The following MED24 variants were observed in gnomAD, a reference collection of about 807,000 sequenced individuals.
MED24 encodes mediator complex subunit 24, also known as mediator of RNA polymerase II transcription subunit 24.
A neutral mutation model predicts 118.8 loss-of-function variants in MED24; 74 were observed. That is an observed-to-expected ratio of 0.62 (90% CI 0.52 to 0.76). MED24 has a LOEUF of 0.76. Among genes scored for constraint, MED24 ranks in the 30% least tolerant of loss-of-function variants. The probability of loss-of-function intolerance (pLI) is 0.00; values close to 1 mark genes in which losing one functional copy is unlikely to be tolerated. For synonymous variants in MED24, 521 were observed against 523.9 expected (o/e 0.99, Z 0.08); for missense variants, 1,041 against 1,278.9 (o/e 0.81, Z 2.84).
intron 3 of MED24, among the ~76,000 whole-genome samples, chr17:40,041,219 T>C (rs1984532453): frequency 6.6e-6 from 1 of 152,172 alleles, no homozygotes; most frequent in African/African-American, 2.4e-5. Flanking sequence ...CTTACCTGAC[T>C]TCCCAGCAGC....
chr17:40,029,013 C>G, intron 13 of MED24, 45 bp from the exon 14 acceptor site: 1 of 1,612,790 alleles, frequency 6.2e-7, no homozygotes, highest in South Asian at 1.1e-5. Flanking sequence ...CACTGAAGAC[C>G]CCCCACCCAA....
chr17:40,034,853 C>CGGGCG, intron 6 of MED24: 1 of 309,116 alleles, frequency 3.2e-6, no homozygotes. Context: ...CTTTGGTAGC[C>CGGGCG]CCCCACCCCC....
intron 15 of MED24, 142 bp from the exon 16 acceptor site, chr17:40,027,607 T>C (rs934068578): frequency 1.3e-6 from 1 of 793,066 alleles, no homozygotes; most frequent in Non-Finnish European, 2.0e-6. Flanking sequence ...AATCCTTTTC[T>C]TGAGTCTCAA....
chr17:40,026,512 C>T (rs1422099006), intron 18 of MED24, 135 bp downstream of exon 18: 10 of 1,139,832 alleles, frequency 8.8e-6, no homozygotes, highest in South Asian at 4.3e-5. Context: ...GCTAAGACAA[C>T]GATTACACAA....
chr17:40,023,584 T>C (rs1598334046), intron 19 of MED24, 189 bp from the exon 20 acceptor site: 1 of 570,602 alleles, frequency 1.8e-6, no homozygotes, highest in Admixed American at 3.3e-5. Context: ...TCCTGGCAGG[T>C]CTCTCACCTG....
intron 9 of MED24, 180 bp from the exon 10 acceptor site, chr17:40,032,270 C>T: frequency 2.9e-6 from 2 of 678,068 alleles, no homozygotes; most frequent in South Asian, 1.8e-5. Flanking sequence ...CCCCTGATGC[C>T]CCCAGGCCTA....
At chr17:40,027,062 C>T (rs925991037) in intron 16 of MED24, 28 bp from the exon 17 acceptor site, 1 of 1,611,648 alleles carries the variant, frequency 6.2e-7, no homozygotes, top group Non-Finnish European at 8.5e-7. Flanking sequence ...GGGCACCAGC[C>T]GAGTGGGGAG....
In MED24 at chr17:40,033,139, C is replaced by T. The variant is rs201198702; in HGVS notation, c.739G>A (p.Val247Met). Residue 247 changes from valine to methionine, a missense_variant, in exon 8 of 26, where the codon GTG becomes ATG. By Grantham distance (21) the Val-to-Met change is conservative (BLOSUM62 1). Coordinates refer to ENST00000394128, the MANE Select transcript of MED24 (RefSeq NM_014815.4). The surrounding 1 kb of genome is among the most constrained non-coding windows in gnomAD (Gnocchi z 5.2). ...TTCATGGTGCCCTCGAGCAGGATCA[C>T]GGCGTGGACAGTGGGGAAGCCGGTC... ...HKTGFPTVHA[V>M]ILLEGTMNLT... The T allele has an allele frequency of 7.5e-5, 121 of 1,614,148 alleles. 1 individual carries two copies. In the Middle Eastern group the frequency reaches 2.0e-3, roughly 26 times the overall value.
chr17:40,039,518 A>G (rs541473539), intron 3 of MED24, among the ~76,000 whole-genome samples: 1 of 152,322 alleles, frequency 6.6e-6, no homozygotes, highest in East Asian at 1.9e-4. Flanking sequence ...AGGAAGAATA[A>G]ATTACTAATT....
At chr17:40,025,450 TCAA>T (rs959809180) in intron 19 of MED24, among the ~76,000 whole-genome samples, 2 of 152,074 alleles carry the variant, frequency 1.3e-5, no homozygotes, top group Non-Finnish European at 2.9e-5. Context: ...AGACCTTGTC[TCAA>T]CAACAACAAC....
intron 3 of MED24, among the ~76,000 whole-genome samples, chr17:40,039,103 G>A (rs1035471357): frequency 6.6e-6 from 1 of 152,186 alleles, no homozygotes; most frequent in Non-Finnish European, 1.5e-5. Context: ...ACCCTCAAAT[G>A]CCGGGAGAGA....
At position 40,027,002 on chromosome 17, in the gene MED24, C is replaced by T; in HGVS notation, c.1563G>A (p.Glu521=). ...GCATCCAGGTCTCGAAGAAGGGCAC[C>T]TCAGCTCCTGTGCGCGACTCGGACA... ...VILSESRTGA[E]VPFFETWMQT... The change falls in exon 17 of 26, where the codon GAG becomes GAA. Residue 521 remains glutamate, a synonymous_variant. Transcript: ENST00000394128. 2 of 1,614,162 alleles carry T rather than the reference C, an allele frequency of 1.2e-6. No individual in the cohort carries two copies. Among genetic ancestry groups the T allele is most frequent in the South Asian group, 1.1e-5 (1 of 91,082 alleles).
intron 3 of MED24, among the ~76,000 whole-genome samples, chr17:40,045,614 G>A (rs1985081214): frequency 6.6e-6 from 1 of 151,568 alleles, no homozygotes; most frequent in Non-Finnish European, 1.5e-5. Flanking sequence ...GCGAAACCGT[G>A]TCTCTACACA....
chr17:40,053,377 G>C lies in MED24; in HGVS notation c.134C>G (p.Ala45Gly). The C allele has an allele frequency of 1.9e-6, 3 of 1,613,186 alleles. No individual in the cohort carries two copies. Among genetic ancestry groups the C allele is most frequent in the South Asian group, 1.1e-5 (1 of 91,006 alleles). Reference sequence around the variant, plus strand: ...TCCAATCATGGCCTGCTCTAGTAACGCATCTGCAAGAGGAATAGCAAAACA... The same window carrying C: ...TCCAATCATGGCCTGCTCTAGTAACCCATCTGCAAGAGGAATAGCAAAACA... ...ATWDILNLAD[A>G]LLEQAMIGPS... The change falls in exon 3 of 26, where the codon GCG becomes GGG. Residue 45 changes from alanine to glycine, a missense_variant. By Grantham distance (60) the Ala-to-Gly change is moderately conservative (BLOSUM62 0). Around this residue, in one of 3 missense-constraint regions of MED24, gnomAD observed 434 missense variants for 514.9 expected, o/e 0.84. Transcript: ENST00000394128.
At chr17:40,026,420 C>A in intron 18 of MED24, 89 bp from the exon 19 acceptor site, 1 of 1,504,834 alleles carries the variant, frequency 6.6e-7, no homozygotes, top group South Asian at 1.2e-5. Flanking sequence ...CAGCTAAGTG[C>A]AGCGGGTGGA....
chr17:40,027,767 T>C (rs987024754), intron 15 of MED24, 142 bp downstream of exon 15: 1 of 928,454 alleles, frequency 1.1e-6, no homozygotes, highest in African/African-American at 1.6e-5. Flanking sequence ...TCAAGCTCTG[T>C]GGAAGCTTCC....
At chr17:40,026,432 T>C in intron 18 of MED24, 101 bp from the exon 19 acceptor site, 1 of 1,434,068 alleles carries the variant, frequency 7.0e-7, no homozygotes, top group Non-Finnish European at 9.6e-7. Context: ...GCGGGTGGAG[T>C]CCCGGGCCAC....
intron 3 of MED24, among the ~76,000 whole-genome samples, chr17:40,037,768 G>A (rs941336740): frequency 3.9e-5 from 6 of 152,036 alleles, no homozygotes; most frequent in South Asian, 2.1e-4. Flanking sequence ...AAAATTAGCC[G>A]GGCATGGTGG....
intron 19 of MED24, among the ~76,000 whole-genome samples, chr17:40,024,606 G>A (rs562508254): frequency 4.6e-5 from 7 of 152,238 alleles, no homozygotes; most frequent in Middle Eastern, 3.4e-3. Flanking sequence ...CACCCAAAAC[G>A]TATTAGCTGG....
Sources: gnomAD v4.1 joint callset for allele counts (sites outside exome capture counted in the v4.1 genomes callset) on GRCh38, gnomAD v4.1.1 for gene constraint, gnomAD v4.1.1 regional missense constraint, Gnocchi (gnomAD v3.1) non-coding constraint, MANE v1.5 for transcripts, NCBI Gene and HGNC (gene_info 2026-07-23, HGNC 2026-07-21) for gene names.